Variants in TAFA1 observed in about 807,000 individuals in gnomAD.
TAFA1 encodes TAFA chemokine like family member 1.
TAFA1 carries 4 observed loss-of-function variants against 18.5 expected under a neutral mutation model. The observed-to-expected ratio is 0.22, with a 90% CI of 0.11 to 0.49. The LOEUF is 0.49. Among genes scored for constraint, TAFA1 ranks in the 20% least tolerant of loss-of-function variants. The probability of loss-of-function intolerance (pLI) is 0.98; values close to 1 mark genes in which losing one functional copy is unlikely to be tolerated. For missense variants in TAFA1, 147 were observed against 169.0 expected, an observed-to-expected ratio of 0.87 and a Z score of 0.72; for synonymous variants, 56 against 55.2, an observed-to-expected ratio of 1.01 and a Z score of -0.06.
At chr3:68,266,347 G>A (rs190625889) in intron 2 of TAFA1, among the ~76,000 whole-genome samples, 3 of 152,214 alleles carry the variant, frequency 2.0e-5, no homozygotes, top group African/African-American at 7.2e-5. Flanking sequence ...TATCACAAGG[G>A]TTGTGAAGTT....
chr3:68,219,909 G>T (rs541456803), intron 2 of TAFA1, among the ~76,000 whole-genome samples: 2 of 152,132 alleles, frequency 1.3e-5, no homozygotes, highest in African/African-American at 4.8e-5. Context: ...GCAGATTATA[G>T]TTAGTTGCCA....
intron 2 of TAFA1, among the ~76,000 whole-genome samples, chr3:68,181,454 T>G (rs555019703): frequency 6.6e-6 from 1 of 152,264 alleles, no homozygotes; most frequent in South Asian, 2.1e-4. Context: ...GAATATAGTT[T>G]TGGTCTAATA....
At chr3:68,106,179 G>A (rs569594732) in intron 2 of TAFA1, among the ~76,000 whole-genome samples, 2 of 151,728 alleles carry the variant, frequency 1.3e-5, no homozygotes, top group East Asian at 3.9e-4. Flanking sequence ...AAGAACGAAC[G>A]AAACCACAAA....
At chr3:68,332,026 G>A (rs2068885609) in intron 2 of TAFA1, among the ~76,000 whole-genome samples, 1 of 151,684 alleles carries the variant, frequency 6.6e-6, no homozygotes, top group Non-Finnish European at 1.5e-5. Flanking sequence ...ACCGCACCCT[G>A]CCAATTTTTT....
At chr3:68,094,910 G>T (rs116128960) in intron 2 of TAFA1, among the ~76,000 whole-genome samples, 1,817 of 152,264 alleles carry the variant, frequency 0.012, 43 homozygotes, top group African/African-American at 0.042. Flanking sequence ...ACTGGAAGTT[G>T]CTTTAGCTCC....
intron 2 of TAFA1, among the ~76,000 whole-genome samples, chr3:68,086,657 T>C (rs1366747242): frequency 6.6e-6 from 1 of 152,194 alleles, no homozygotes; most frequent in Admixed American, 6.5e-5. Flanking sequence ...GAAAGGAAGA[T>C]GAAATACCAA....
At chr3:68,033,484 T>C (rs1164492032) in intron 2 of TAFA1, among the ~76,000 whole-genome samples, 1 of 152,210 alleles carries the variant, frequency 6.6e-6, no homozygotes, top group Non-Finnish European at 1.5e-5. Context: ...CTGACATTGA[T>C]ATTTTCTTTG....
chr3:68,133,858 G>A (rs1315650807), intron 2 of TAFA1, among the ~76,000 whole-genome samples: 1 of 151,918 alleles, frequency 6.6e-6, no homozygotes, highest in Non-Finnish European at 1.5e-5. Flanking sequence ...AACTTGCTGA[G>A]GGGACATAAT....
intron 2 of TAFA1, among the ~76,000 whole-genome samples, chr3:68,119,784 A>G (rs1015449749): frequency 6.6e-6 from 1 of 152,198 alleles, no homozygotes; most frequent in Admixed American, 6.5e-5. Context: ...TGTAGTTGTA[A>G]TTAGTTTGAA....
chr3:68,289,712 T>C (rs2068075863), intron 2 of TAFA1, among the ~76,000 whole-genome samples: 1 of 152,162 alleles, frequency 6.6e-6, no homozygotes. Flanking sequence ...GCCTTCAAAT[T>C]TTGCAGATGA....
At chr3:68,233,017 T>C (rs934793856) in intron 2 of TAFA1, among the ~76,000 whole-genome samples, 2 of 152,188 alleles carry the variant, frequency 1.3e-5, no homozygotes, top group African/African-American at 4.8e-5. Flanking sequence ...CCAGCATTTG[T>C]TAATTTTTGT....
At chr3:68,505,544 C>G (rs1050042619) in intron 3 of TAFA1, among the ~76,000 whole-genome samples, 1 of 152,118 alleles carries the variant, frequency 6.6e-6, no homozygotes, top group African/African-American at 2.4e-5. Flanking sequence ...AATGTCTTAC[C>G]AGGGTGCAAT....
At chr3:68,523,495 T>G (rs1256910934) in intron 3 of TAFA1, among the ~76,000 whole-genome samples, 1 of 152,134 alleles carries the variant, frequency 6.6e-6, no homozygotes, top group African/African-American at 2.4e-5. Flanking sequence ...ATCAGGAAAG[T>G]GAGTAGTCAA....
intron 2 of TAFA1, among the ~76,000 whole-genome samples, chr3:68,259,043 C>T (rs191958785): frequency 1.1e-4 from 17 of 152,304 alleles, no homozygotes; most frequent in Admixed American, 3.3e-4. Context: ...ATTCTCAAAT[C>T]ATCTGGGGAT....
the TAFA1 span, among the ~76,000 whole-genome samples, chr3:67,994,110 G>A: frequency 6.6e-6 from 1 of 152,178 alleles, no homozygotes; most frequent in Admixed American, 6.6e-5. Flanking sequence ...AGTTTTGGGT[G>A]TGTCTGTTGA....
intron 3 of TAFA1, among the ~76,000 whole-genome samples, chr3:68,458,133 C>T (rs1367367975): frequency 6.6e-6 from 1 of 152,056 alleles, no homozygotes; most frequent in African/African-American, 2.4e-5. Flanking sequence ...CTTTGCTGTT[C>T]TCACGATGGT....
intron 2 of TAFA1, among the ~76,000 whole-genome samples, chr3:68,240,586 A>G (rs1177422690): frequency 6.6e-6 from 1 of 152,108 alleles, no homozygotes; most frequent in Non-Finnish European, 1.5e-5. Flanking sequence ...CTATACAGTG[A>G]CCCTGCCCAC....
intron 2 of TAFA1, among the ~76,000 whole-genome samples, chr3:68,384,899 C>A (rs1024141741): frequency 2.0e-5 from 3 of 151,972 alleles, no homozygotes; most frequent in Non-Finnish European, 4.4e-5. Context: ...TTGAATTCAA[C>A]CCTTTACCAT....
At chr3:68,121,623 G>T (rs1018831858) in intron 2 of TAFA1, among the ~76,000 whole-genome samples, 3 of 151,950 alleles carry the variant, frequency 2.0e-5, no homozygotes, top group African/African-American at 7.3e-5. Flanking sequence ...AATAACATGA[G>T]TTTTTCTAAT....
Sources: allele counts gnomAD v4.1 joint callset (sites outside exome capture counted in the v4.1 genomes callset), GRCh38; gene constraint gnomAD v4.1.1; transcripts MANE v1.5; gene names NCBI Gene and HGNC (gene_info 2026-07-23, HGNC 2026-07-21).